The following ICE1 variants were observed in gnomAD, a reference collection of about 807,000 sequenced individuals.
The protein encoded by ICE1 is interactor of little elongation complex ELL subunit 1, also known as little elongation complex subunit 1.
A neutral mutation model predicts 192.7 loss-of-function variants in ICE1; 64 were observed. The observed-to-expected ratio is 0.33, with a 90% CI of 0.27 to 0.41. ICE1 has a LOEUF of 0.41. Among genes scored for constraint, ICE1 ranks in the 10% least tolerant of loss-of-function variants. The probability of loss-of-function intolerance (pLI) is 1.00; values close to 1 mark genes in which losing one functional copy is unlikely to be tolerated. For missense variants in ICE1, 2,708 were observed against 2,696.0 expected (o/e 1.00, Z -0.10); for synonymous variants, 1,010 against 984.5 (o/e 1.03, Z -0.49).
rs1561074269 is a variant in ICE1, at chr5:5,435,669, T to TTTG, written c.85-747_85-746insGTT. Among the ~76,000 whole-genome samples, 267 of 129,850 alleles carry TTTG rather than the reference T, an allele frequency of 2.1e-3. 3 individuals carry two copies. Among genetic ancestry groups the TTTG allele is most frequent in the Non-Finnish European group, 2.9e-3 (186 of 64,852 alleles). The allele number at this position is 129,850 out of a possible 152,430, so 85.2% of individuals were successfully genotyped here. On this transcript the variant is annotated intron_variant, in intron 1 of 18. Coordinates refer to ENST00000296564, the MANE Select transcript of ICE1 (RefSeq NM_015325.3). ...GAGCCAAATTTGTGTTTTTTTTTTT[T>TTTG]TTTGTTTTGTTTTTGTTTTTTTTTT...
intron 16 of ICE1, among the ~76,000 whole-genome samples, chr5:5,475,541 A>G (rs983148872): frequency 2.6e-5 from 4 of 152,226 alleles, no homozygotes; most frequent in Non-Finnish European, 5.9e-5. Context: ...TACTGAAGTT[A>G]CAGTTTTCCT....
intron 11 of ICE1, among the ~76,000 whole-genome samples, chr5:5,455,238 G>T (rs755408647): frequency 2.1e-4 from 32 of 152,142 alleles, no homozygotes; most frequent in Non-Finnish European, 4.0e-4. Flanking sequence ...TTCCTCTCAG[G>T]CTTCTAAAGA....
rs1458302750 is a variant in ICE1 at position 5,462,914 on chromosome 5, T to A, written c.3580T>A (p.Ser1194Thr). 6.2e-7 allele frequency: 1 copy of A among 1,609,050 alleles called. No homozygotes were observed. The highest frequency in any genetic ancestry group is 1.7e-5 in the Admixed American group (1 of 59,186). ...LGDYSSGDSV[S>T]ECSSKGTLSK... is the part of the protein sequence containing the mutation. ...GGATTATAGTTCAGGGGACTCTGTT[T>A]CTGAATGTTCTAGTAAAGGAACCCT... Residue 1194 changes from serine (S) to threonine (T), a missense_variant, in exon 13 of 19, where the codon TCT (serine) becomes ACT (threonine). Coordinates refer to ENST00000296564, the MANE Select transcript of ICE1 (RefSeq NM_015325.3).
At chr5:5,449,185 A>G (rs1419799607) in intron 10 of ICE1, among the ~76,000 whole-genome samples, 4 of 152,030 alleles carry the variant, frequency 2.6e-5, no homozygotes, top group Non-Finnish European at 2.9e-5. Flanking sequence ...TTTTGTTTTT[A>G]TCTACCCTCT....
Position 5,487,195 on chromosome 5 carries a change from A to T in ICE1, c.6619+376A>T, listed in dbSNP as rs575582524. On this transcript the variant is annotated intron_variant, in intron 18 of 18. Transcript: ENST00000296564. ...GTGTCTTGACGGAATGAAATCCGTGATGTACAGTGAGATGCCAGGTATCAC... is the reference window on the plus strand; with the variant it reads ...GTGTCTTGACGGAATGAAATCCGTGTTGTACAGTGAGATGCCAGGTATCAC... Among the ~76,000 whole-genome samples, 62 of 152,288 alleles carry T rather than the reference A, an allele frequency of 4.1e-4. 1 individual carries two copies. In the South Asian group the frequency reaches 0.012, roughly 31 times the overall value.
chr5:5,485,187 A>G (rs1739609553), intron 17 of ICE1, among the ~76,000 whole-genome samples: 1 of 152,148 alleles, frequency 6.6e-6, no homozygotes, highest in Admixed American at 6.5e-5. Flanking sequence ...ATCTATCTGT[A>G]TTTACTTTGT....
rs1739741486 is a variant in ICE1, at chr5:5,489,780, T to G, written c.*450T>G. 1 of 152,712 alleles carries G rather than the reference T, an allele frequency of 6.5e-6. No individual in the cohort carries two copies. The highest frequency in any genetic ancestry group is 1.5e-5 in the Non-Finnish European group (1 of 68,404). 9.5% of individuals were successfully genotyped at this position (152,712 alleles called of 1,614,324 possible). ...AATAAATTGGCAAAAACCTAGAGTT[T>G]TCTGCTATCTTTGCTGGAAATGAGT... On this transcript the variant is annotated 3_prime_UTR_variant, in exon 19 of 19. Transcript: ENST00000296564.
intron 17 of ICE1, among the ~76,000 whole-genome samples, chr5:5,483,688 G>A (rs1048640045): frequency 3.3e-5 from 5 of 152,184 alleles, no homozygotes; most frequent in African/African-American, 1.2e-4. Context: ...GTGTAAATCT[G>A]TAGAATACCA....
intron 1 of ICE1, among the ~76,000 whole-genome samples, chr5:5,426,318 G>A (rs61063822): frequency 0.32 from 48,705 of 151,920 alleles, 8,001 homozygotes; most frequent in Non-Finnish European, 0.34. Flanking sequence ...GGTGGCATGC[G>A]CCTGTAATCC....
chr5:5,437,025 CAT>C (rs1678795226), intron 2 of ICE1, 53 bp from the exon 3 acceptor site: 3 of 1,104,856 alleles, frequency 2.7e-6, no homozygotes, highest in Admixed American at 2.0e-5. Context: ...ATAATTTTAA[CAT>C]AGTATATTTT....
chr5:5,452,958 C>A (rs989845195), intron 10 of ICE1, among the ~76,000 whole-genome samples: 1 of 152,100 alleles, frequency 6.6e-6, no homozygotes, highest in African/African-American at 2.4e-5. Context: ...GTGAAGTTAA[C>A]GCTGAAGATG....
chr5:5,471,702 G>A (rs1286600235), intron 15 of ICE1, among the ~76,000 whole-genome samples: 2 of 152,124 alleles, frequency 1.3e-5, no homozygotes, highest in Admixed American at 1.3e-4. Flanking sequence ...GGAAATGAAG[G>A]AAACTTATTA....
chr5:5,427,814 G>C (rs929118458), intron 1 of ICE1, among the ~76,000 whole-genome samples: 1 of 152,144 alleles, frequency 6.6e-6, no homozygotes, highest in African/African-American at 2.4e-5. Flanking sequence ...AACAGAAGAG[G>C]CATGGAGCTC....
chr5:5,465,240 C>G lies in ICE1; in HGVS notation c.5892+14C>G, dbSNP rs1738949818. The G allele has an allele frequency of 2.0e-6, 3 of 1,522,432 alleles. No homozygotes were observed. Among genetic ancestry groups the G allele is most frequent in the Non-Finnish European group, 2.7e-6 (3 of 1,125,412 alleles). 94.3% of individuals were successfully genotyped at this position (1,522,432 alleles called of 1,614,324 possible). ...ACAACAAAAAAGGTATGTGGCTGCT[C>G]TTTTCTAAGTGCATTAGGGATTACA... is the stretch of plus-strand genomic sequence containing the variant. On this transcript the variant is annotated intron_variant, in intron 13 of 18. Transcript: ENST00000296564.
In ICE1 at chr5:5,463,724, G is replaced by A. The variant is rs1473404867; in HGVS notation, c.4390G>A (p.Val1464Met). Reference protein sequence around the residue: ...QGELEAGCIPVTSAEKSPEAS... With the variant: ...QGELEAGCIPMTSAEKSPEAS... Reference sequence around the variant, plus strand: ...AGAGCTGGAAGCTGGTTGCATCCCAGTGACTTCTGCTGAGAAGTCCCCAGA... The same window carrying A: ...AGAGCTGGAAGCTGGTTGCATCCCAATGACTTCTGCTGAGAAGTCCCCAGA... Residue 1464 changes from valine (V) to methionine (M), a missense_variant, in exon 13 of 19, where the codon GTG (valine) becomes ATG (methionine). Physicochemically the swap from Val to Met is conservative, Grantham distance 21. Coordinates refer to ENST00000296564, the MANE Select transcript of ICE1 (RefSeq NM_015325.3). 1 of 1,613,898 alleles carries A rather than the reference G, an allele frequency of 6.2e-7. No homozygotes were observed. The highest frequency in any genetic ancestry group is 8.5e-7 in the Non-Finnish European group (1 of 1,179,848).
intron 10 of ICE1, among the ~76,000 whole-genome samples, chr5:5,454,093 T>C (rs1205284586): frequency 1.3e-5 from 2 of 152,192 alleles, no homozygotes; most frequent in African/African-American, 4.8e-5. Context: ...TAGTGACTTT[T>C]CTGATAACCT....
intron 1 of ICE1, 102 bp from the exon 2 acceptor site, chr5:5,436,316 A>T: frequency 2.8e-6 from 2 of 724,616 alleles, no homozygotes; most frequent in African/African-American, 1.9e-5. Context: ...TTCTATGTTT[A>T]TATAATTATT....
chr5:5,423,317 C>A (rs560820279), intron 1 of ICE1, among the ~76,000 whole-genome samples: 6 of 152,206 alleles, frequency 3.9e-5, no homozygotes, highest in African/African-American at 1.4e-4. Flanking sequence ...AGGGCAGACT[C>A]CGTAGGTCAG....
In ICE1 at chr5:5,425,138, C is replaced by T. The variant is rs59946961; in HGVS notation, c.84+2139C>T. Among the ~76,000 whole-genome samples the T allele has an allele frequency of 4.5e-3, 682 of 152,196 alleles. 25 individuals carry two copies. In the East Asian group the frequency reaches 0.082, roughly 18 times the overall value. On this transcript the variant is annotated intron_variant, in intron 1 of 18. Coordinates refer to ENST00000296564, the MANE Select transcript of ICE1 (RefSeq NM_015325.3). Reference sequence around the variant, plus strand: ...TGTATCCAGTTTATCAGATTGTGTCCGCTCTGCCTTCATTATTCACCCACT... The same window carrying T: ...TGTATCCAGTTTATCAGATTGTGTCTGCTCTGCCTTCATTATTCACCCACT...
Sources: allele counts gnomAD v4.1 joint callset (sites outside exome capture counted in the v4.1 genomes callset), GRCh38; gene constraint gnomAD v4.1.1; transcripts MANE v1.5; gene names NCBI Gene and HGNC (gene_info 2026-07-23, HGNC 2026-07-21).